Variants in WWOX observed in about 807,000 individuals in gnomAD.
WWOX encodes the protein WW domain containing oxidoreductase.
In WWOX, 69 loss-of-function variants were observed where a neutral mutation model predicts 46.2. The ratio of observed to expected loss-of-function variants is 1.49; its 90% CI spans 1.23 to 1.82. The LOEUF (loss-of-function observed/expected upper bound fraction) is 1.82, where lower values mean the gene tolerates loss of function less well. WWOX is among the 40% of genes most tolerant of loss of function. WWOX has a pLI of 0.00. For missense variants in WWOX, 919 were observed against 542.6 expected (o/e 1.69, Z -6.89); for synonymous variants, 359 against 202.6 (o/e 1.77, Z -6.56).
chr16:78,657,652 G>T (rs978768383), intron 8 of WWOX, among the ~76,000 whole-genome samples: 1 of 152,070 alleles, frequency 6.6e-6, no homozygotes, highest in African/African-American at 2.4e-5. Context: ...GTCCCCTCTT[G>T]AATTTCCTTG....
intron 8 of WWOX, among the ~76,000 whole-genome samples, chr16:78,817,824 C>A (rs181952500): frequency 6.6e-6 from 1 of 152,258 alleles, no homozygotes; most frequent in East Asian, 1.9e-4. Context: ...CCAGTCACCC[C>A]AGTGAAAAGT....
intron 8 of WWOX, among the ~76,000 whole-genome samples, chr16:79,075,339 GA>G (rs1166383753): frequency 2.6e-5 from 4 of 151,824 alleles, no homozygotes; most frequent in Admixed American, 6.6e-5. Context: ...CACAGGAAGG[GA>G]AAAAAAATCA....
In WWOX at chr16:78,407,526, A is replaced by T. The variant is rs567801323; in HGVS notation, c.606-17344A>T. 2.6e-5 allele frequency among the ~76,000 whole-genome samples: 4 copies of T among 152,308 alleles called. No homozygotes were observed. The South Asian group carries it at 8.3e-4, about 32-fold the overall frequency. On this transcript the variant is annotated intron_variant, in intron 6 of 8. Coordinates refer to ENST00000566780, the MANE Select transcript of WWOX (RefSeq NM_016373.4). ...AATTTCACTTACAAATCTTCTGTGT[A>T]ACTCAACCCCATGGTGGTGTCTACT... is the stretch of plus-strand genomic sequence containing the variant.
chr16:79,141,223 G>A (rs953881485), intron 8 of WWOX, among the ~76,000 whole-genome samples: 3 of 152,180 alleles, frequency 2.0e-5, no homozygotes, highest in Non-Finnish European at 4.4e-5. Context: ...TGACCTGGAA[G>A]CCCCCTCCTC....
rs1242527270 is a variant in WWOX, at chr16:79,026,862, CTTG to C, written c.1057-184744_1057-184742del. On this transcript the variant is annotated intron_variant, in intron 8 of 8. Coordinates refer to ENST00000566780, the MANE Select transcript of WWOX (RefSeq NM_016373.4). ...GCCAGGATGGTCTCAATCTCCTGAC[CTTG>C]TGATCTGCCCACCTCAGCCTCCCAA... Among the ~76,000 whole-genome samples the C allele has an allele frequency of 7.4e-4, 112 of 150,674 alleles. 2 individuals are homozygous for C. Among genetic ancestry groups the C allele is most frequent in the African/African-American group, 2.6e-3 (107 of 40,590 alleles).
chr16:79,008,455 G>T (rs914591951), intron 8 of WWOX, among the ~76,000 whole-genome samples: 1 of 152,128 alleles, frequency 6.6e-6, no homozygotes, highest in Non-Finnish European at 1.5e-5. Context: ...ACTCAGGGGG[G>T]CAAATTATCC....
At chr16:78,667,471 C>A (rs939919518) in intron 8 of WWOX, among the ~76,000 whole-genome samples, 1 of 151,808 alleles carries the variant, frequency 6.6e-6, no homozygotes, top group Non-Finnish European at 1.5e-5. Flanking sequence ...GAGTTCAAGA[C>A]CATCCTGGTT....
rs566301359 is a variant in WWOX at position 78,261,384 on chromosome 16, G to A, written c.516+97095G>A. Among the ~76,000 whole-genome samples the A allele has an allele frequency of 2.1e-4, 31 of 147,728 alleles. 2 individuals carry two copies. The highest frequency in any genetic ancestry group is 6.9e-3 in the Middle Eastern group (2 of 290). The stretch of plus-strand genomic sequence containing the variant: ...TGCACCACTGCATTCTAGCCTAGGC[G>A]ACAGAGCAAGACCCTGTCTCTAAAA... On this transcript the variant is annotated intron_variant, in intron 5 of 8. Coordinates refer to ENST00000566780, the MANE Select transcript of WWOX (RefSeq NM_016373.4).
chr16:78,672,748 T>G (rs888336774), intron 8 of WWOX, among the ~76,000 whole-genome samples: 8 of 152,216 alleles, frequency 5.3e-5, no homozygotes, highest in African/African-American at 9.6e-5. Flanking sequence ...GCCCCCCATT[T>G]TAGGGTCTGG....
chr16:78,870,688 G>A (rs2044108223), intron 8 of WWOX, among the ~76,000 whole-genome samples: 1 of 152,116 alleles, frequency 6.6e-6, no homozygotes. Flanking sequence ...GGCAACCTCT[G>A]CCTCCTGGGT....
At chr16:78,717,219 T>C (rs1443202855) in intron 8 of WWOX, among the ~76,000 whole-genome samples, 1 of 152,198 alleles carries the variant, frequency 6.6e-6, no homozygotes, top group Non-Finnish European at 1.5e-5. Context: ...TTTTTAAATT[T>C]AATTTAAATC....
intron 8 of WWOX, among the ~76,000 whole-genome samples, chr16:78,546,095 T>G (rs1032909213): frequency 2.0e-5 from 3 of 152,202 alleles, no homozygotes; most frequent in African/African-American, 7.2e-5. Flanking sequence ...CCCTACCCTC[T>G]GTCAGTTTTT....
chr16:79,114,598 A>G (rs537984181), intron 8 of WWOX, among the ~76,000 whole-genome samples: 5 of 152,166 alleles, frequency 3.3e-5, no homozygotes, highest in South Asian at 4.1e-4. Flanking sequence ...GAGGGAGCGC[A>G]GCGCCAGAGA....
chr16:78,333,756 G>A (rs1461157964), intron 5 of WWOX, among the ~76,000 whole-genome samples: 1 of 152,154 alleles, frequency 6.6e-6, no homozygotes, highest in African/African-American at 2.4e-5. Flanking sequence ...CCTCTGTTCA[G>A]CAAACGTGAC....
chr16:78,756,363 G>A (rs1443216396), intron 8 of WWOX, among the ~76,000 whole-genome samples: 1 of 152,126 alleles, frequency 6.6e-6, no homozygotes, highest in African/African-American at 2.4e-5. Flanking sequence ...TGGGAGCCAG[G>A]GTGAAGGCGG....
intron 5 of WWOX, among the ~76,000 whole-genome samples, chr16:78,354,181 T>C (rs564075515): frequency 6.6e-6 from 1 of 152,332 alleles, no homozygotes; most frequent in Non-Finnish European, 1.5e-5. Context: ...AGTTACCTTC[T>C]GTTTGTAAAC....
At chr16:78,494,499 A>G (rs1357253074) in intron 8 of WWOX, among the ~76,000 whole-genome samples, 1 of 152,216 alleles carries the variant, frequency 6.6e-6, no homozygotes, top group East Asian at 1.9e-4. Flanking sequence ...TTAAGCAAAC[A>G]AAAGGAAATA....
intron 5 of WWOX, chr16:78,167,472 A>G (rs2035010765): frequency 6.6e-6 from 1 of 152,218 alleles, no homozygotes; most frequent in Non-Finnish European, 1.5e-5. Flanking sequence ...CCAGACTAAG[A>G]ATTATTCAGA....
chr16:78,978,459 G>C (rs2046615702), intron 8 of WWOX, among the ~76,000 whole-genome samples: 1 of 152,188 alleles, frequency 6.6e-6, no homozygotes, highest in South Asian at 2.1e-4. Context: ...CACCAGCGAA[G>C]TGCAGGGGTT....
Sources: allele counts gnomAD v4.1 joint callset (sites outside exome capture counted in the v4.1 genomes callset), GRCh38; gene constraint gnomAD v4.1.1; transcripts MANE v1.5; gene names NCBI Gene and HGNC (gene_info 2026-07-23, HGNC 2026-07-21).